The following NBPF11 variants were observed in gnomAD, a reference collection of about 807,000 sequenced individuals.
NBPF11 encodes the protein NBPF family member NBPF11.
Under a neutral mutation model 93.9 loss-of-function variants are expected in NBPF11, and 72 were observed. The ratio of observed to expected loss-of-function variants is 0.77; its 90% CI spans 0.63 to 0.93. The LOEUF (loss-of-function observed/expected upper bound fraction) is 0.93. Among genes scored for constraint, NBPF11 ranks in the 40% least tolerant of loss-of-function variants. The pLI, the probability that NBPF11 is intolerant of heterozygous loss-of-function variation, is 0.00. For missense variants in NBPF11, 705 were observed against 802.2 expected (o/e 0.88, Z 1.46); for synonymous variants, 224 against 304.9 (o/e 0.73, Z 2.76).
At chr1:148,105,775 C>G (rs587683874) in intron 21 of NBPF11, among the ~76,000 whole-genome samples, 1 of 82,754 alleles carries the variant, frequency 1.2e-5, no homozygotes, top group African/African-American at 1.0e-4. Flanking sequence ...CACACACACA[C>G]TGAGAGAGAG....
intron 6 of NBPF11, 148 bp downstream of exon 6, chr1:148,124,751 C>T (rs1187715134): frequency 1.7e-5 from 11 of 659,490 alleles, no homozygotes; most frequent in Non-Finnish European, 3.0e-5. Flanking sequence ...TCCTTGTTCT[C>T]TGATAAATAT....
Position 148,108,663 on chromosome 1 carries a change from G to A in NBPF11, c.1854-9C>T. ...GCAGCTCCCTGCTGAGCCTGGAAAA[G>A]TGGGAAAAAGTAAAGAATAAGCCAG... is the stretch of plus-strand genomic sequence containing the variant. On this transcript the variant is annotated splice_polypyrimidine_tract_variant and intron_variant, in intron 17 of 23. Transcript: ENST00000682118. 2.1e-6 allele frequency: 2 copies of A among 939,846 alleles called. No homozygotes were observed. Among genetic ancestry groups the A allele is most frequent in the South Asian group, 1.3e-5 (1 of 77,688 alleles). The allele number at this position is 939,846 out of a possible 1,614,324, so 58.2% of individuals were successfully genotyped here.
At position 148,122,092 on chromosome 1, in the gene NBPF11, A is replaced by C; in HGVS notation, c.741T>G (p.Ser247=). 6.2e-7 allele frequency: 1 copy of C among 1,612,620 alleles called. No individual in the cohort carries two copies. Among genetic ancestry groups the C allele is most frequent in the Non-Finnish European group, 8.5e-7 (1 of 1,178,776 alleles). The change falls in exon 9 of 24, where the codon TCT becomes TCG. Residue 247 remains serine (S), a synonymous_variant. Transcript: ENST00000682118. ...NSSLVVDRES[S]HDGCQDALNI... is the part of the protein sequence containing the mutation. ...TTAGAGCATCCTGACATCCATCATG[A>C]GAGGATTCTCTGTCTACAACCAGAG...
intron 16 of NBPF11, among the ~76,000 whole-genome samples, chr1:148,110,109 G>A (rs1348574700): frequency 1.3e-5 from 2 of 151,838 alleles, no homozygotes; most frequent in Non-Finnish European, 2.9e-5. Context: ...GTGTGAGTTT[G>A]CCACACCTGC....
chr1:148,106,196 C>T lies in NBPF11; in HGVS notation c.2288G>A (p.Gly763Asp), dbSNP rs1306513707. ...KKDQEEEEDQGPPCPRLSREL... is the reference protein window; with the variant it reads ...KKDQEEEEDQDPPCPRLSREL... ...GCTCAGTTACCTGGGGCACGGTGGG[C>T]CTTGGTCTTCTTCCTCTTCTTGGTC... Residue 763 changes from glycine to aspartate, a missense_variant, in exon 21 of 24, where the codon GGC becomes GAC. Physicochemically the swap from Gly to Asp is moderately conservative, Grantham distance 94. Transcript: ENST00000682118. 536 of 939,642 alleles carry T rather than the reference C, an allele frequency of 5.7e-4. 12 individuals carry two copies. In the East Asian group the frequency reaches 0.013, roughly 22 times the overall value. 58.2% of individuals were successfully genotyped at this position (939,642 alleles called of 1,614,324 possible). A position where few individuals can be genotyped will look rare whatever the true frequency, so the allele number is the denominator to read the frequency against.
At chr1:148,106,279 A>C in intron 20 of NBPF11, 47 bp from the exon 21 acceptor site, 1 of 618,464 alleles carries the variant, frequency 1.6e-6, no homozygotes, top group East Asian at 2.7e-5. Context: ...CAATTCACCT[A>C]CACCCATAAC....
rs1164618353 is a variant in NBPF11 at position 148,116,770 on chromosome 1, G to T, written c.1307-235C>A. 9.9e-5 allele frequency among the ~76,000 whole-genome samples: 15 copies of T among 152,134 alleles called. 1 individual carries two copies. Among genetic ancestry groups the T allele is most frequent in the African/African-American group, 3.6e-4 (15 of 41,394 alleles). ...TGGCCAAATATTGAAAAGACCTTTT[G>T]CTTCCCATATCACTGGAGGCTTGTG... On this transcript the variant is annotated intron_variant, in intron 12 of 23. Coordinates refer to ENST00000682118, the MANE Select transcript of NBPF11 (RefSeq NM_001385469.3).
chr1:148,115,547 G>A (rs1666311699), intron 14 of NBPF11, among the ~76,000 whole-genome samples: 1 of 151,756 alleles, frequency 6.6e-6, no homozygotes, highest in Non-Finnish European at 1.5e-5. Flanking sequence ...GATACTGCCT[G>A]TGCACCTCCT....
At chr1:148,120,436 A>C (rs1182954704) in intron 10 of NBPF11, 65 bp downstream of exon 10, 1 of 805,940 alleles carries the variant, frequency 1.2e-6, no homozygotes, top group Non-Finnish European at 2.3e-6. Context: ...GAGAGCACTT[A>C]GTTTCTCAGA....
chr1:148,144,767 G>A (rs1196348744), intron 1 of NBPF11, among the ~76,000 whole-genome samples: 1 of 151,894 alleles, frequency 6.6e-6, no homozygotes, highest in Non-Finnish European at 1.5e-5. Context: ...GAGCCCAAGT[G>A]TTTGAAACTA....
chr1:148,113,242 A>T (rs1227948488), intron 15 of NBPF11, among the ~76,000 whole-genome samples: 1 of 152,010 alleles, frequency 6.6e-6, no homozygotes, highest in African/African-American at 2.4e-5. Context: ...ATGCAGAGAC[A>T]CACATAGGCT....
Position 148,138,710 on chromosome 1 carries a change from G to C in NBPF11, c.-276-901C>G, listed in dbSNP as rs1176467432. Among the ~76,000 whole-genome samples, 14 of 151,272 alleles carry C rather than the reference G, an allele frequency of 9.3e-5. 1 individual carries two copies. Among genetic ancestry groups the C allele is most frequent in the Middle Eastern group, 6.3e-3 (2 of 316 alleles). ...AGATTAACAGCGTCTCAAGGCAAAA[G>C]AATTTTTCTTAGTACAGAACAAAAT... On this transcript the variant is annotated intron_variant, in intron 2 of 23. Coordinates refer to ENST00000682118, the MANE Select transcript of NBPF11 (RefSeq NM_001385469.3).
intron 9 of NBPF11, among the ~76,000 whole-genome samples, chr1:148,121,113 C>G (rs1214848928): frequency 3.3e-5 from 5 of 151,740 alleles, no homozygotes; most frequent in Non-Finnish European, 7.4e-5. Flanking sequence ...GGCACAATCT[C>G]AGCTCACTGC....
At chr1:148,126,531 A>G (rs1248791483) in intron 5 of NBPF11, among the ~76,000 whole-genome samples, 1 of 152,032 alleles carries the variant, frequency 6.6e-6, no homozygotes, top group African/African-American at 2.4e-5. Flanking sequence ...GCAGGATCTT[A>G]TATGGTACAG....
chr1:148,147,046 G>T, intron 1 of NBPF11: 3 of 985,502 alleles, frequency 3.0e-6, no homozygotes, highest in South Asian at 3.2e-5. Flanking sequence ...CACAGTGGAT[G>T]CACAGGGCCA....
chr1:148,150,797 C>T lies in NBPF11; in HGVS notation c.-549+953G>A, dbSNP rs1362444556. ...CTGGAGTGCAGTGACAAGATATCTC[C>T]GCTCACTGCAACCTCCGCCTCCCAG... is the stretch of plus-strand genomic sequence containing the variant. On this transcript the variant is annotated intron_variant, in intron 1 of 23. Coordinates refer to ENST00000682118, the MANE Select transcript of NBPF11 (RefSeq NM_001385469.3). 1.8e-3 allele frequency among the ~76,000 whole-genome samples: 275 copies of T among 150,786 alleles called. 4 individuals are homozygous for T. Among genetic ancestry groups the T allele is most frequent in the African/African-American group, 6.5e-3 (265 of 40,694 alleles).
At chr1:148,135,577 G>A in intron 4 of NBPF11, 95 bp downstream of exon 4, 3 of 487,836 alleles carry the variant, frequency 6.1e-6, no homozygotes, top group Non-Finnish European at 1.1e-5. Context: ...CTAAGCATAT[G>A]GGCTAGATTA....
chr1:148,105,499 T>C lies in NBPF11; in HGVS notation c.2333A>G (p.Glu778Gly), dbSNP rs1663332398. 26 of 1,033,176 alleles carry C rather than the reference T, an allele frequency of 2.5e-5. 2 individuals are homozygous for C. Among genetic ancestry groups the C allele is most frequent in the Non-Finnish European group, 3.2e-5 (22 of 691,052 alleles). 64.0% of individuals were successfully genotyped at this position (1,033,176 alleles called of 1,614,324 possible). ...RLSRELLEVVEPEVLQDSLDV... is the reference protein window; with the variant it reads ...RLSRELLEVVGPEVLQDSLDV... ...CAGTGAGTCCTGCAAGACTTCAGGC[T>C]CTACTACCTCCAGCAGCTCCCTGCT... Residue 778 changes from glutamate (E) to glycine (G), a missense_variant, in exon 22 of 24, where the codon GAG (glutamate) becomes GGG (glycine). This residue lies in a region of NBPF11 where 109 missense variants were observed against 83.3 expected (regional missense o/e 1.31). Coordinates refer to ENST00000682118, the MANE Select transcript of NBPF11 (RefSeq NM_001385469.3).
At chr1:148,141,503 C>T (rs1457939802) in intron 2 of NBPF11, among the ~76,000 whole-genome samples, 105 of 152,204 alleles carry the variant, frequency 6.9e-4, no homozygotes, top group Non-Finnish European at 1.1e-3. Flanking sequence ...GATGCAGCAG[C>T]CCCATACCAA....
Sources: allele counts gnomAD v4.1 joint callset (sites outside exome capture counted in the v4.1 genomes callset), GRCh38; gene constraint gnomAD v4.1.1; regional missense constraint gnomAD v4.1.1; transcripts MANE v1.5; gene names NCBI Gene and HGNC (gene_info 2026-07-23, HGNC 2026-07-21).